PRR16: variants seen among roughly 807,000 people sequenced by gnomAD.
PRR16 encodes the protein protein Largen.
PRR16 carries 6 observed loss-of-function variants against 18.2 expected under a neutral mutation model. That is an observed-to-expected ratio of 0.33 (90% confidence interval 0.18 to 0.65). The LOEUF (loss-of-function observed/expected upper bound fraction) is 0.65, where lower values mean the gene tolerates loss of function less well. Among genes scored for constraint, PRR16 ranks in the 30% least tolerant of loss-of-function variants. PRR16 has a pLI of 0.74. For synonymous variants in PRR16, 151 were observed against 147.8 expected, an observed-to-expected ratio of 1.02 and a Z score of -0.16; for missense variants, 412 against 376.6, an observed-to-expected ratio of 1.09 and a Z score of -0.78.
the PRR16 span, among the ~76,000 whole-genome samples, chr5:120,730,548 C>T: frequency 4.6e-5 from 7 of 152,042 alleles, no homozygotes; most frequent in Admixed American, 2.6e-4. Context: ...AGCAGTGGAC[C>T]AAGGATGGAT....
At chr5:120,583,100 T>C (rs1753327582) in intron 1 of PRR16, among the ~76,000 whole-genome samples, 1 of 152,204 alleles carries the variant, frequency 6.6e-6, no homozygotes, top group African/African-American at 2.4e-5. Flanking sequence ...GGTGGCTGTG[T>C]TCCAAGAACA....
intron 1 of PRR16, among the ~76,000 whole-genome samples, chr5:120,639,298 TAAG>T (rs1319479873): frequency 6.6e-6 from 1 of 152,130 alleles, no homozygotes; most frequent in Non-Finnish European, 1.5e-5. Context: ...TAGTCAACTT[TAAG>T]AAGATCATAA....
At chr5:120,649,570 G>A (rs569693738) in intron 1 of PRR16, among the ~76,000 whole-genome samples, 40 of 152,212 alleles carry the variant, frequency 2.6e-4, no homozygotes, top group Admixed American at 2.4e-3. Flanking sequence ...TGTAGCTCCA[G>A]CCTATGGCCA....
chr5:120,738,045 A>G, the PRR16 span, among the ~76,000 whole-genome samples: 1 of 152,156 alleles, frequency 6.6e-6, no homozygotes, highest in Admixed American at 6.5e-5. Flanking sequence ...AGCCTAAGAA[A>G]ATGCCTTTTT....
chr5:120,754,645 T>A, the PRR16 span, among the ~76,000 whole-genome samples: 1 of 127,504 alleles, frequency 7.8e-6, no homozygotes, highest in African/African-American at 3.0e-5. Context: ...TATAAAGTAT[T>A]TATATATTAT....
rs185836674 is a variant in PRR16 at position 120,605,010 on chromosome 5, A to G, written c.160-80944A>G. Among the ~76,000 whole-genome samples the G allele has an allele frequency of 1.4e-3, 220 of 152,248 alleles. 2 individuals are homozygous for G. Among genetic ancestry groups the G allele is most frequent in the Non-Finnish European group, 1.5e-3 (101 of 68,018 alleles). ...ATTGACCTTGGACAATCTGATGACT[A>G]TATGCATTGGAATGGTTGTCTTGTG... On this transcript the variant is annotated intron_variant, in intron 1 of 1. Transcript: ENST00000407149.
chr5:120,592,341 G>A (rs1753665091), intron 1 of PRR16, among the ~76,000 whole-genome samples: 1 of 152,190 alleles, frequency 6.6e-6, no homozygotes, highest in Admixed American at 6.5e-5. Context: ...GCTGTATACT[G>A]CAAGTGGATG....
At chr5:120,757,564 G>A in the PRR16 span, among the ~76,000 whole-genome samples, 16 of 151,836 alleles carry the variant, frequency 1.1e-4, no homozygotes. Flanking sequence ...GAAAAATAAT[G>A]TGGTGTTTGA....
chr5:120,547,485 C>T (rs535346498), intron 1 of PRR16, among the ~76,000 whole-genome samples: 2 of 152,022 alleles, frequency 1.3e-5, no homozygotes, highest in Non-Finnish European at 2.9e-5. Context: ...TCTCTCTAAA[C>T]TTAGAGCCTC....
chr5:120,578,314 A>T (rs1162611019), intron 1 of PRR16, among the ~76,000 whole-genome samples: 1 of 152,094 alleles, frequency 6.6e-6, no homozygotes, highest in Non-Finnish European at 1.5e-5. Flanking sequence ...ACATATGTAG[A>T]ACGTGGAGGT....
chr5:120,596,460 A>T (rs1167854429), intron 1 of PRR16, among the ~76,000 whole-genome samples: 2 of 151,660 alleles, frequency 1.3e-5, no homozygotes, highest in African/African-American at 2.4e-5. Flanking sequence ...GGGCCATTTA[A>T]TTACTTTCGT....
chr5:120,602,976 T>C (rs1181460887), intron 1 of PRR16, among the ~76,000 whole-genome samples: 1 of 152,120 alleles, frequency 6.6e-6, no homozygotes, highest in Non-Finnish European at 1.5e-5. Context: ...TAGTACTTTG[T>C]TGAGGATGTT....
the PRR16 span, among the ~76,000 whole-genome samples, chr5:120,755,719 A>C: frequency 6.6e-6 from 1 of 152,112 alleles, no homozygotes; most frequent in Non-Finnish European, 1.5e-5. Flanking sequence ...TTCTGGTAGA[A>C]TTATTTATTT....
intron 1 of PRR16, among the ~76,000 whole-genome samples, chr5:120,549,334 C>T (rs931749388): frequency 6.6e-6 from 1 of 152,108 alleles, no homozygotes; most frequent in Non-Finnish European, 1.5e-5. Flanking sequence ...GCCTTGACCT[C>T]TCAAAGTGCT....
At chr5:120,710,290 A>C in the PRR16 span, among the ~76,000 whole-genome samples, 2 of 152,176 alleles carry the variant, frequency 1.3e-5, no homozygotes, top group African/African-American at 4.8e-5. Flanking sequence ...TGCATAGTAC[A>C]TACAAGGCTT....
chr5:120,568,187 C>T (rs1026416530), intron 1 of PRR16, among the ~76,000 whole-genome samples: 1 of 152,100 alleles, frequency 6.6e-6, no homozygotes, highest in African/African-American at 2.4e-5. Context: ...AGGCAGTGAG[C>T]AGTAATACCA....
chr5:120,527,129 T>C (rs1751398241), intron 1 of PRR16, among the ~76,000 whole-genome samples: 1 of 152,178 alleles, frequency 6.6e-6, no homozygotes, highest in Non-Finnish European at 1.5e-5. Context: ...CAAACCTTTT[T>C]TGTAAAGGGC....
the PRR16 span, among the ~76,000 whole-genome samples, chr5:120,708,847 G>A: frequency 6.6e-6 from 1 of 151,940 alleles, no homozygotes; most frequent in African/African-American, 2.4e-5. Flanking sequence ...GGTTATACTG[G>A]AATCCCTGGG....
At chr5:120,720,970 T>C in the PRR16 span, among the ~76,000 whole-genome samples, 1 of 152,036 alleles carries the variant, frequency 6.6e-6, no homozygotes, top group Non-Finnish European at 1.5e-5. Context: ...ATTAATGCAT[T>C]ATCTCATTCC....
Sources: gnomAD v4.1 joint callset for allele counts (sites outside exome capture counted in the v4.1 genomes callset) on GRCh38, gnomAD v4.1.1 for gene constraint, MANE v1.5 for transcripts, NCBI Gene and HGNC (gene_info 2026-07-23, HGNC 2026-07-21) for gene names.